The following HOMER2 variants were observed in gnomAD, a reference collection of about 807,000 sequenced individuals.
HOMER2 encodes the protein homer scaffold protein 2, also known as homer protein homolog 2.
Under a neutral mutation model 47.0 loss-of-function variants are expected in HOMER2, and 27 were observed. The ratio of observed to expected loss-of-function variants is 0.57; its 90% confidence interval spans 0.42 to 0.79. HOMER2 has a LOEUF of 0.79. HOMER2 is among the 30% of genes least tolerant of loss of function. The pLI, the probability that HOMER2 is intolerant of heterozygous loss-of-function variation, is 0.00. For missense variants in HOMER2, 443 were observed against 435.0 expected, an observed-to-expected ratio of 1.02 and a Z score of -0.16; for synonymous variants, 161 against 163.8, an observed-to-expected ratio of 0.98 and a Z score of 0.13.
chr15:82,972,762 C>T (rs769733081), intron 1 of HOMER2, among the ~76,000 whole-genome samples: 9 of 152,210 alleles, frequency 5.9e-5, no homozygotes, highest in African/African-American at 1.2e-4. Flanking sequence ...AGTGCTGGCA[C>T]AGCAGGAATT....
chr15:82,867,851 T>A (rs955166964), intron 3 of HOMER2, among the ~76,000 whole-genome samples: 39 of 152,164 alleles, frequency 2.6e-4, no homozygotes, highest in African/African-American at 9.4e-4. Flanking sequence ...AATTCCAGCA[T>A]TGTCTACAAA....
Position 82,859,144 on chromosome 15 carries a change from A to G in HOMER2, c.388-9T>C. ...CCGTTGACACTGGATGCCTGAGTAG[A>G]AGATGGGGTTTCACGCCCAGATTCC... is the stretch of plus-strand genomic sequence containing the variant. On this transcript the variant is annotated splice_polypyrimidine_tract_variant and intron_variant, in intron 4 of 8. Transcript: ENST00000450735. 6.2e-7 allele frequency: 1 copy of G among 1,614,010 alleles called. No homozygotes were observed. The highest frequency in any genetic ancestry group is 8.5e-7 in the Non-Finnish European group (1 of 1,179,900).
At chr15:82,981,182 G>A (rs74030858) in intron 1 of HOMER2, among the ~76,000 whole-genome samples, 185 of 152,324 alleles carry the variant, frequency 1.2e-3, no homozygotes, top group African/African-American at 4.4e-3. Context: ...CCCTCTTCCT[G>A]TCCCATTTGA....
chr15:82,851,181 T>C lies in HOMER2; in HGVS notation c.813A>G (p.Ser271=). 6.3e-7 allele frequency: 1 copy of C among 1,576,090 alleles called. No homozygotes were observed. Among genetic ancestry groups the C allele is most frequent in the South Asian group, 1.2e-5 (1 of 85,866 alleles). ...GCTTCTCAGAGACATATTCGCACTCTGACATGAGCTGAGGTATGATTTCAC... is the reference window on the plus strand; with the variant it reads ...GCTTCTCAGAGACATATTCGCACTCCGACATGAGCTGAGGTATGATTTCAC... The part of the protein sequence containing the change: ...KQSEIIPQLM[S]ECEYVSEKLE... Residue 271 remains serine, a synonymous_variant, in exon 8 of 9, where the codon TCA becomes TCG. Transcript: ENST00000450735.
At chr15:82,952,776 G>GCCGCTACCCCCGCCCGGC, upstream of HOMER2, 10 of 876,628 alleles carry the variant, frequency 1.1e-5, no homozygotes, top group Non-Finnish European at 1.4e-5. Flanking sequence ...GCCCTCCCCA[G>GCCGCTACCCCCGCCCGGC]CCGCTACCCC....
intron 1 of HOMER2, among the ~76,000 whole-genome samples, chr15:82,946,571 C>A (rs1228985508): frequency 6.6e-6 from 1 of 152,188 alleles, no homozygotes; most frequent in Non-Finnish European, 1.5e-5. Flanking sequence ...CTTCTTTCAG[C>A]TCTTTAATGC....
intron 2 of HOMER2, among the ~76,000 whole-genome samples, chr15:82,890,120 A>T (rs547865737): frequency 2.5e-4 from 38 of 152,280 alleles, no homozygotes; most frequent in African/African-American, 8.2e-4. Context: ...CGAGGGGCAG[A>T]TCACTTCAGG....
chr15:82,984,118 C>T (rs1194765078), intron 1 of HOMER2, among the ~76,000 whole-genome samples: 3 of 151,292 alleles, frequency 2.0e-5, no homozygotes, highest in African/African-American at 7.3e-5. Flanking sequence ...CTGCAAGCTC[C>T]GCCTCCTGGG....
chr15:82,951,756 G>C (rs1257123719), intron 1 of HOMER2, among the ~76,000 whole-genome samples: 1 of 152,226 alleles, frequency 6.6e-6, no homozygotes, highest in Non-Finnish European at 1.5e-5. Flanking sequence ...TTCCTCATCT[G>C]TAAAGTGGAC....
chr15:82,899,111 T>G (rs146490399), intron 1 of HOMER2, among the ~76,000 whole-genome samples: 2 of 152,312 alleles, frequency 1.3e-5, no homozygotes, highest in East Asian at 3.9e-4. Context: ...TCCCAGTGCT[T>G]TGCATGAATT....
chr15:82,855,438 G>A (rs556308561), intron 5 of HOMER2, among the ~76,000 whole-genome samples: 39 of 151,370 alleles, frequency 2.6e-4, no homozygotes, highest in Admixed American at 2.2e-3. Context: ...CTTACTGGCC[G>A]CCCTGCTTCC....
intron 1 of HOMER2, among the ~76,000 whole-genome samples, chr15:82,938,686 A>G (rs2054194037): frequency 1.3e-5 from 2 of 152,068 alleles, no homozygotes; most frequent in Admixed American, 6.6e-5. Flanking sequence ...CGCTCCTCAC[A>G]TACTCACTTA....
chr15:82,895,110 C>T (rs1327345854), intron 1 of HOMER2, among the ~76,000 whole-genome samples: 12 of 152,184 alleles, frequency 7.9e-5, no homozygotes. Context: ...AATGCTGCTT[C>T]AATGCAGCTG....
chr15:82,868,523 T>TATATATATATATATATATATA lies in HOMER2; in HGVS notation c.295-4265_295-4264insTATATATATATATATATATAT, dbSNP rs2052055665. Among the ~76,000 whole-genome samples the TATATATATATATATATATATA allele has an allele frequency of 6.0e-4, 22 of 36,618 alleles. 2 individuals carry two copies. The highest frequency in any genetic ancestry group is 7.0e-4 in the Non-Finnish European group (15 of 21,456). 24.0% of individuals were successfully genotyped at this position (36,618 alleles called of 152,430 possible). A position where few individuals can be genotyped will look rare whatever the true frequency, so the allele number is the denominator to read the frequency against. On this transcript the variant is annotated intron_variant, in intron 3 of 8. Transcript: ENST00000450735. ...AAGTTATATATATCACTTATTTATT[T>TATATATATATATATATATATA]TATATATATATATATATATTTTTTT...
chr15:82,925,437 G>C (rs1403808295), intron 1 of HOMER2, among the ~76,000 whole-genome samples: 1 of 152,232 alleles, frequency 6.6e-6, no homozygotes, highest in Non-Finnish European at 1.5e-5. Context: ...CATGATAGCA[G>C]CCTGAACTGC....
At chr15:82,863,667 T>C (rs2051867042) in intron 4 of HOMER2, among the ~76,000 whole-genome samples, 1 of 152,226 alleles carries the variant, frequency 6.6e-6, no homozygotes, top group Non-Finnish European at 1.5e-5. Flanking sequence ...AAATAGGTCC[T>C]TTTCAGTCAA....
At chr15:82,939,089 T>A (rs1050504492) in intron 1 of HOMER2, among the ~76,000 whole-genome samples, 2 of 152,232 alleles carry the variant, frequency 1.3e-5, no homozygotes, top group African/African-American at 4.8e-5. Flanking sequence ...CTATCTGAAC[T>A]GTTGAGTGTT....
At chr15:82,871,453 C>T (rs559121746) in intron 3 of HOMER2, among the ~76,000 whole-genome samples, 1 of 152,302 alleles carries the variant, frequency 6.6e-6, no homozygotes, top group East Asian at 1.9e-4. Context: ...GCCTTGGGAG[C>T]CCTGGAGGCC....
chr15:82,843,700 AT>A (rs1200353917), exon 2 of HOMER2: 6 of 152,080 alleles, frequency 3.9e-5, no homozygotes, highest in Non-Finnish European at 7.4e-5. Flanking sequence ...AACCAAAAAA[AT>A]ATTTTTTTTA....
Sources: gnomAD v4.1 joint callset for allele counts (sites outside exome capture counted in the v4.1 genomes callset) on GRCh38, gnomAD v4.1.1 for gene constraint, MANE v1.5 for transcripts, NCBI Gene and HGNC (gene_info 2026-07-23, HGNC 2026-07-21) for gene names.